Variants in BTNL9 observed in about 807,000 individuals in gnomAD.
The protein encoded by BTNL9 is butyrophilin like 9.
BTNL9 carries 45 observed loss-of-function variants against 45.8 expected under a neutral mutation model. The ratio of observed to expected loss-of-function variants is 0.98; its 90% CI spans 0.77 to 1.26. The LOEUF is 1.26. BTNL9 is among the 50% of genes most tolerant of loss of function. The pLI is 0.00. For synonymous variants in BTNL9, 346 were observed against 330.8 expected (o/e 1.05, Z -0.50); for missense variants, 784 against 729.7 (o/e 1.07, Z -0.86).
In BTNL9 at chr5:181,053,900, A is replaced by T; in HGVS notation, c.887-339A>T. 1 of 1,505,856 alleles carries T rather than the reference A, an allele frequency of 6.6e-7. No individual in the cohort carries two copies. Among genetic ancestry groups the T allele is most frequent in the South Asian group, 1.2e-5 (1 of 82,912 alleles). 93.3% of individuals were successfully genotyped at this position (1,505,856 alleles called of 1,614,324 possible). On this transcript the variant is annotated intron_variant, in intron 6 of 10. Transcript: ENST00000327705. This position sits in a 1 kb window ranked among gnomAD's most constrained non-coding sequence, Gnocchi z 6.5. The stretch of plus-strand genomic sequence containing the variant: ...CGCACAGGGTCAGGAAGCGGCGGTC[A>T]GGCACCGAGAAAACAGCCCAGTTAC...
At chr5:181,058,454 G>A in intron 10 of BTNL9, 76 bp downstream of exon 10, 2 of 1,604,262 alleles carry the variant, frequency 1.2e-6, no homozygotes, top group Non-Finnish European at 1.7e-6. Flanking sequence ...AGAGATCTGA[G>A]ATTAGAGGAC....
rs373494500 is a variant in BTNL9 at position 181,056,533 on chromosome 5, T to C, written c.955+518T>C. 112 of 717,570 alleles carry C rather than the reference T, an allele frequency of 1.6e-4. 2 individuals are homozygous for C. The East Asian group carries it at 2.3e-3, about 15-fold the overall frequency. The allele number at this position is 717,570 out of a possible 1,614,324, so 44.5% of individuals were successfully genotyped here. A position where few individuals can be genotyped will look rare whatever the true frequency, so the allele number is the denominator to read the frequency against. On this transcript the variant is annotated intron_variant, in intron 9 of 10. Transcript: ENST00000327705. ...CATTCAGTCTGTTTTTCCTCCTTAC[T>C]GCAGAGTGCTTCGTTTTAGCCAGCC...
intron 7 of BTNL9, 185 bp downstream of exon 7, chr5:181,054,444 C>T (rs565105670): frequency 2.0e-6 from 2 of 985,260 alleles, no homozygotes; most frequent in East Asian, 1.1e-4. Context: ...TGCAGCTGCC[C>T]GAGACCCTCT....
chr5:181,056,394 C>T lies in BTNL9; in HGVS notation c.955+379C>T, dbSNP rs533729617. 38 of 624,364 alleles carry T rather than the reference C, an allele frequency of 6.1e-5. No homozygotes were observed. In the East Asian group the frequency reaches 6.6e-4, roughly 11 times the overall value. 38.7% of individuals were successfully genotyped at this position (624,364 alleles called of 1,614,324 possible). On this transcript the variant is annotated intron_variant, in intron 9 of 10. Transcript: ENST00000327705. ...ATATATTCTTGCAAAATGTGAATAT[C>T]GATGTATGCATATGCATCTTAGTTC...
Sources: gnomAD v4.1 joint callset for allele counts on GRCh38, gnomAD v4.1.1 for gene constraint, Gnocchi (gnomAD v3.1) non-coding constraint, MANE v1.5 for transcripts, NCBI Gene and HGNC (gene_info 2026-07-23, HGNC 2026-07-21) for gene names.